KCP: variants seen among roughly 807,000 people sequenced by gnomAD.
The protein encoded by KCP is kielin/chordin-like protein.
Under a neutral mutation model 212.7 loss-of-function variants are expected in KCP, and 194 were observed. The ratio of observed to expected loss-of-function variants is 0.91; its 90% CI spans 0.81 to 1.03. KCP has a LOEUF of 1.03. Among genes scored for constraint, KCP ranks in the 50% least tolerant of loss-of-function variants. KCP has a pLI of 0.00. For synonymous variants in KCP, 833 were observed against 865.3 expected (o/e 0.96, Z 0.65); for missense variants, 2,080 against 2,162.5 (o/e 0.96, Z 0.76).
rs1189665186 is a variant in KCP at position 128,880,413 on chromosome 7, C to A, written c.3732G>T (p.Gln1244His). 1.2e-5 allele frequency: 19 copies of A among 1,543,884 alleles called. No individual in the cohort carries two copies. Among genetic ancestry groups the A allele is most frequent in the South Asian group, 2.4e-5 (2 of 83,328 alleles). ...CMAGTVRCQS[Q>H]RCSPLSCGPD... ...GGCCACACGAGAGCGGTGAGCAGCG[C>A]TGGCTCTGGCAACGCACGGTGCCCG... The change falls in exon 34 of 40, where the codon CAG (glutamine) becomes CAT (histidine). Residue 1244 changes from glutamine to histidine, a missense_variant. Gln to His is a conservative substitution (Grantham distance 24, BLOSUM62 0). Transcript: ENST00000610776.
rs1272653730 is a variant in KCP, at chr7:128,877,796, TG to T, written c.4312-7del. The stretch of plus-strand genomic sequence containing the variant: ...GGCCACAGCCCCTCTGAGACCTGGG[TG>T]GGGAGAGCAGCCCTGACGTGACAGC... On this transcript the variant is annotated splice_polypyrimidine_tract_variant and splice_region_variant and intron_variant, in intron 38 of 39. Transcript: ENST00000610776. The T allele has an allele frequency of 5.8e-6, 9 of 1,543,062 alleles. No individual in the cohort carries two copies. In the South Asian group the frequency reaches 6.0e-5, roughly 10 times the overall value.
chr7:128,892,617 A>T lies in KCP; in HGVS notation c.1528-10T>A. The T allele has an allele frequency of 6.4e-7, 1 of 1,550,658 alleles. No individual in the cohort carries two copies. The highest frequency in any genetic ancestry group is 2.4e-5 in the East Asian group (1 of 40,906). On this transcript the variant is annotated splice_polypyrimidine_tract_variant and intron_variant, in intron 15 of 39. Transcript: ENST00000610776. ...ATGTCACAGTTCCATCCTGCGAGAG[A>T]GCAGGGGAGAGAGCAATCGGGGCAT...
At chr7:128,883,082 A>G (rs755714710) in intron 29 of KCP, among the ~76,000 whole-genome samples, 5 of 152,024 alleles carry the variant, frequency 3.3e-5, no homozygotes, top group East Asian at 1.9e-4. Flanking sequence ...CCAAAACCCA[A>G]ATAAAAAAAC....
chr7:128,884,362 ACCTTT>A (rs1321051792), intron 28 of KCP, among the ~76,000 whole-genome samples: 2 of 151,976 alleles, frequency 1.3e-5, no homozygotes, highest in African/African-American at 4.8e-5. Flanking sequence ...CCCTCATGTG[ACCTTT>A]GATCCTCCGG....
Position 128,884,841 on chromosome 7 carries a change from C to T in KCP, c.3063G>A (p.Lys1021=), listed in dbSNP as rs774629048. Residue 1021 remains lysine, a synonymous_variant, in exon 28 of 40, where the codon AAG becomes AAA. Transcript: ENST00000610776. ...GCTGGAAGCTCTCCCCAGGCTCGTA[C>T]TTCCGGCCCTCATGCTCACAGTCTT... The part of the protein sequence containing the change: ...QCSDCEHEGR[K]YEPGESFQPG... 3 of 1,551,060 alleles carry T rather than the reference C, an allele frequency of 1.9e-6. No homozygotes were observed. The highest frequency in any genetic ancestry group is 2.4e-5 in the South Asian group (2 of 84,068).
At chr7:128,885,318 C>T (rs1374195882) in intron 26 of KCP, 48 bp from the exon 27 acceptor site, 28 of 1,499,688 alleles carry the variant, frequency 1.9e-5, no homozygotes, top group Non-Finnish European at 2.3e-5. Flanking sequence ...GAGATCTGGA[C>T]ATCTGCTCCT....
Position 128,881,920 on chromosome 7 carries a change from A to C in KCP, c.3324+17T>G, listed in dbSNP as rs1793357418. 1 of 1,549,930 alleles carries C rather than the reference A, an allele frequency of 6.5e-7. No homozygotes were observed. The highest frequency in any genetic ancestry group is 1.2e-5 in the South Asian group (1 of 84,002). On this transcript the variant is annotated intron_variant, in intron 30 of 39. Coordinates refer to ENST00000610776, the MANE Select transcript of KCP (RefSeq NM_001366122.1). ...AAGAAGAGGGGCTCTGTGAGTCCCC[A>C]AGGCAGGAGGGCTCACCTGGCACTG...
chr7:128,879,242 TC>T (rs1563017850), intron 37 of KCP: 1 of 466,026 alleles, frequency 2.1e-6, no homozygotes, highest in Non-Finnish European at 3.9e-6. Flanking sequence ...CCCTTCCCAT[TC>T]CCCACTTTAC....
intron 10 of KCP, 27 bp from the exon 11 acceptor site, chr7:128,893,926 C>T (rs1311453245): frequency 6.5e-7 from 1 of 1,550,308 alleles, no homozygotes; most frequent in Non-Finnish European, 8.7e-7. Flanking sequence ...GTCAGCACGC[C>T]AGAGGCAGGC....
intron 28 of KCP, among the ~76,000 whole-genome samples, chr7:128,884,537 T>G (rs1793525800): frequency 6.6e-6 from 1 of 152,156 alleles, no homozygotes; most frequent in Admixed American, 6.5e-5. Flanking sequence ...ACACCCGCCC[T>G]GCACTGCAGC....
intron 7 of KCP, 143 bp downstream of exon 7, chr7:128,903,584 G>A (rs924613548): frequency 3.2e-6 from 2 of 632,216 alleles, no homozygotes; most frequent in Non-Finnish European, 5.6e-6. Context: ...AGCACTAGGT[G>A]GCAATGGCAG....
chr7:128,878,325 T>TG (rs1472785034), intron 38 of KCP, among the ~76,000 whole-genome samples: 12 of 152,252 alleles, frequency 7.9e-5, no homozygotes, highest in Admixed American at 4.6e-4. Flanking sequence ...CCCAAAGTGC[T>TG]GGGATTATAG....
chr7:128,891,360 T>G, intron 18 of KCP, 82 bp from the exon 19 acceptor site: 1 of 1,546,022 alleles, frequency 6.5e-7, no homozygotes, highest in Non-Finnish European at 8.7e-7. Context: ...TGCCACCAGG[T>G]CCCACCCCTC....
intron 5 of KCP, among the ~76,000 whole-genome samples, 181 bp downstream of exon 5, chr7:128,906,098 C>T (rs901635830): frequency 3.3e-5 from 5 of 152,218 alleles, no homozygotes; most frequent in Admixed American, 6.5e-5. Context: ...GTCTCTGGCT[C>T]AGTCCCAGGC....
chr7:128,888,081 C>G (rs1340115911), intron 22 of KCP, among the ~76,000 whole-genome samples: 2 of 144,312 alleles, frequency 1.4e-5, no homozygotes. Flanking sequence ...CAAATACAGA[C>G]ACACACACAC....
chr7:128,877,104 G>C lies in KCP; in HGVS notation c.4826C>G (p.Thr1609Ser), dbSNP rs930468122. 16 of 1,519,298 alleles carry C rather than the reference G, an allele frequency of 1.1e-5. No homozygotes were observed. Among genetic ancestry groups the C allele is most frequent in the Non-Finnish European group, 1.3e-5 (15 of 1,137,636 alleles). The allele number at this position is 1,519,298 out of a possible 1,614,324, so 94.1% of individuals were successfully genotyped here. The stretch of plus-strand genomic sequence containing the variant: ...CCGAGCACCAAGTGGCTGGTCTCCA[G>C]TGAGCAGGACTTGGGGGCAGGCCTC... ...PPEACPQVLLTGDQPLGARPS... is the reference protein window; with the variant it reads ...PPEACPQVLLSGDQPLGARPS... Residue 1609 changes from threonine (T) to serine (S), a missense_variant, in exon 40 of 40, where the codon ACT (threonine) becomes AGT (serine). Thr to Ser is a moderately conservative substitution (Grantham distance 58). Transcript: ENST00000610776.
Position 128,906,293 on chromosome 7 carries a change from G to T in KCP, c.557C>A (p.Pro186Gln). The T allele has an allele frequency of 6.4e-7, 1 of 1,550,954 alleles. No homozygotes were observed. The highest frequency in any genetic ancestry group is 1.2e-5 in the South Asian group (1 of 84,034). Reference protein sequence around the residue: ...GPCPEPGACCPHCKPGCDYEG... With the variant: ...GPCPEPGACCQHCKPGCDYEG... Reference sequence around the variant, plus strand: ...AGGAGGCTGACCTGGCTTACAGTGCGGGCAGCATGCTCCTGGCTCAGGGCA... The same window carrying T: ...AGGAGGCTGACCTGGCTTACAGTGCTGGCAGCATGCTCCTGGCTCAGGGCA... The change falls in exon 5 of 40, where the codon CCG becomes CAG. Residue 186 changes from proline to glutamine, a missense_variant. Coordinates refer to ENST00000610776, the MANE Select transcript of KCP (RefSeq NM_001366122.1).
Position 128,897,345 on chromosome 7 carries a change from T to C in KCP, c.832-3052A>G, listed in dbSNP as rs112741114. On this transcript the variant is annotated intron_variant, in intron 8 of 39. Transcript: ENST00000610776. ...TTGTATGTCCTTGGGAACTTGACCT[T>C]GTAACCACATGGCAGTACTTTCTCT... Among the ~76,000 whole-genome samples, 278 of 152,360 alleles carry C rather than the reference T, an allele frequency of 1.8e-3. 1 individual carries two copies. Among genetic ancestry groups the C allele is most frequent in the Non-Finnish European group, 3.3e-3 (224 of 68,032 alleles).
At chr7:128,905,852 C>T (rs1488836960) in intron 5 of KCP, among the ~76,000 whole-genome samples, 3 of 152,094 alleles carry the variant, frequency 2.0e-5, no homozygotes, top group African/African-American at 7.2e-5. Flanking sequence ...CCCATGAAGA[C>T]CCAGCTCAAA....
Sources: allele counts gnomAD v4.1 joint callset (sites outside exome capture counted in the v4.1 genomes callset), GRCh38; gene constraint gnomAD v4.1.1; transcripts MANE v1.5; gene names NCBI Gene and HGNC (gene_info 2026-07-23, HGNC 2026-07-21).